TMEM50B: variants seen among roughly 807,000 people sequenced by gnomAD.
The protein encoded by TMEM50B is HCV p7-trans-regulated protein 3.
In TMEM50B, 14 loss-of-function variants were observed where a neutral mutation model predicts 23.4. The observed-to-expected ratio is 0.60, with a 90% CI of 0.39 to 0.93. The LOEUF is 0.93. Ranked by LOEUF, TMEM50B falls within the 40% of genes least tolerant of loss-of-function variation. The pLI is 0.00. For missense variants in TMEM50B, 159 were observed against 193.0 expected (o/e 0.82, Z 1.04); for synonymous variants, 64 against 62.3 (o/e 1.03, Z -0.13).
At chr21:33,443,108 TG>T (rs1259043412) in intron 7 of TMEM50B, among the ~76,000 whole-genome samples, 13 of 152,318 alleles carry the variant, frequency 8.5e-5, no homozygotes, top group Non-Finnish European at 1.8e-4. Context: ...AGAGTATTTT[TG>T]TATCTGAAAA....
chr21:33,464,541 C>T lies in TMEM50B; in HGVS notation c.280+801G>A, dbSNP rs1351356922. Among the ~76,000 whole-genome samples the T allele has an allele frequency of 2.0e-5, 3 of 146,510 alleles. No homozygotes were observed. The East Asian group carries it at 6.6e-4, about 32-fold the overall frequency. On this transcript the variant is annotated intron_variant, in intron 4 of 6. Coordinates refer to ENST00000542230, the MANE Select transcript of TMEM50B (RefSeq NM_006134.7). Reference sequence around the variant, plus strand: ...CACAATTGGGCCGGGCTCGGTGGCTCACTCCTGTAATCCCAGCACTTTGGG... The same window carrying T: ...CACAATTGGGCCGGGCTCGGTGGCTTACTCCTGTAATCCCAGCACTTTGGG...
chr21:33,439,116 A>C (rs550129709), intron 8 of TMEM50B: 2 of 152,398 alleles, frequency 1.3e-5, no homozygotes, highest in African/African-American at 4.8e-5. Flanking sequence ...CCCCATGCAC[A>C]CAAGTCTCCC....
Position 33,437,094 on chromosome 21 carries a change from TGA to T in TMEM50B, c.*2120+2118_*2120+2119del, listed in dbSNP as rs2123385424. ...TCTAAAAGGCCTGTCCCTGCAGACA[TGA>T]GAGACAGCAGGTCTCATGGGGGTGA... On this transcript the variant is annotated intron_variant and NMD_transcript_variant, in intron 8 of 8. Coordinates refer to the TMEM50B transcript ENST00000420455. 5 of 835,172 alleles carry T rather than the reference TGA, an allele frequency of 6.0e-6. No homozygotes were observed. In the Admixed American group the frequency reaches 1.1e-4, roughly 18 times the overall value. 51.7% of individuals were successfully genotyped at this position (835,172 alleles called of 1,614,324 possible). A position where few individuals can be genotyped will look rare whatever the true frequency, so the allele number is the denominator to read the frequency against.
intron 6 of TMEM50B, among the ~76,000 whole-genome samples, chr21:33,452,950 T>A (rs2084135301): frequency 6.6e-6 from 1 of 152,136 alleles, no homozygotes; most frequent in Non-Finnish European, 1.5e-5. Flanking sequence ...TCAGAAATAT[T>A]TTTAAAGACC....
At chr21:33,471,971 G>A (rs536583694) in intron 1 of TMEM50B, among the ~76,000 whole-genome samples, 1 of 150,650 alleles carries the variant, frequency 6.6e-6, no homozygotes, top group African/African-American at 2.4e-5. Flanking sequence ...GGTAGAGCTT[G>A]CAGTGAGCCG....
chr21:33,452,345 C>G (rs1003350012), intron 6 of TMEM50B, among the ~76,000 whole-genome samples: 1 of 152,208 alleles, frequency 6.6e-6, no homozygotes, highest in Non-Finnish European at 1.5e-5. Flanking sequence ...AGCGTACAGA[C>G]AGCCACACAG....
intron 2 of TMEM50B, chr21:33,468,584 A>C: frequency 2.0e-6 from 1 of 491,234 alleles, no homozygotes; most frequent in South Asian, 4.0e-5. Flanking sequence ...AAAGATATTA[A>C]GTACACATTT....
intron 1 of TMEM50B, among the ~76,000 whole-genome samples, chr21:33,475,951 C>T (rs908107367): frequency 3.3e-5 from 5 of 151,706 alleles, no homozygotes; most frequent in Non-Finnish European, 7.4e-5. Context: ...CCCCTCTAAT[C>T]TGAAGGACCT....
intron 6 of TMEM50B, 79 bp from the exon 7 acceptor site, chr21:33,450,942 T>C (rs1049462109): frequency 8.2e-7 from 1 of 1,214,136 alleles, no homozygotes; most frequent in African/African-American, 1.5e-5. Context: ...CAATATGCTT[T>C]GACAGGTACT....
chr21:33,453,376 C>CT, intron 6 of TMEM50B, among the ~76,000 whole-genome samples: 1 of 152,102 alleles, frequency 6.6e-6, no homozygotes, highest in East Asian at 1.9e-4. Context: ...AGGTGTGAGC[C>CT]ACCATGCCCA....
intron 6 of TMEM50B, among the ~76,000 whole-genome samples, chr21:33,454,569 G>C (rs1834497560): frequency 6.6e-6 from 1 of 152,112 alleles, no homozygotes; most frequent in East Asian, 1.9e-4. Context: ...CCAAAGTGCT[G>C]GGATTACAGA....
At chr21:33,438,926 C>T (rs1201653188) in intron 8 of TMEM50B, among the ~76,000 whole-genome samples, 1 of 152,014 alleles carries the variant, frequency 6.6e-6, no homozygotes. Context: ...GATGGGGTTT[C>T]ACCATGTTGG....
downstream of TMEM50B, among the ~76,000 whole-genome samples, chr21:33,445,124 A>G (rs2084041603): frequency 6.6e-6 from 1 of 150,686 alleles, no homozygotes; most frequent in Non-Finnish European, 1.5e-5. Flanking sequence ...GCTGGAAAAG[A>G]GCACAATTTA....
intron 8 of TMEM50B, among the ~76,000 whole-genome samples, chr21:33,438,945 G>A (rs955046808): frequency 2.0e-5 from 3 of 151,448 alleles, no homozygotes; most frequent in African/African-American, 7.3e-5. Context: ...GGCCAGGCTG[G>A]TCTCGAACTC....
At chr21:33,436,777 G>A in intron 8 of TMEM50B, 2 of 1,487,874 alleles carry the variant, frequency 1.3e-6, no homozygotes, top group Non-Finnish European at 1.9e-6. Context: ...AAAAGGTCTG[G>A]TATACTGAAC....
chr21:33,444,813 A>AAAAAAAG (rs1269718115), downstream of TMEM50B, among the ~76,000 whole-genome samples: 5 of 150,532 alleles, frequency 3.3e-5, no homozygotes, highest in Non-Finnish European at 7.4e-5. Context: ...CAAAAAAAAA[A>AAAAAAAG]AAAAAAAGAA....
chr21:33,469,484 T>G (rs2084293365), intron 1 of TMEM50B: 1 of 152,224 alleles, frequency 6.6e-6, no homozygotes, highest in South Asian at 2.1e-4. Flanking sequence ...TAAACATATC[T>G]AAAATATTTG....
intron 7 of TMEM50B, among the ~76,000 whole-genome samples, chr21:33,443,964 G>A (rs2084030828): frequency 6.6e-6 from 1 of 152,088 alleles, no homozygotes; most frequent in African/African-American, 2.4e-5. Flanking sequence ...GCAATGGCGG[G>A]GTCTTGGCTC....
intron 6 of TMEM50B, among the ~76,000 whole-genome samples, chr21:33,455,263 T>C (rs1024141660): frequency 4.6e-5 from 7 of 152,142 alleles, no homozygotes; most frequent in Non-Finnish European, 1.0e-4. Context: ...CAGCCTTGCC[T>C]CACTGCAGCC....
Sources: gnomAD v4.1 joint callset for allele counts (sites outside exome capture counted in the v4.1 genomes callset) on GRCh38, gnomAD v4.1.1 for gene constraint, MANE v1.5 for transcripts, NCBI Gene and HGNC (gene_info 2026-07-23, HGNC 2026-07-21) for gene names.